Variants in CYFIP2 observed in about 807,000 individuals in gnomAD.
CYFIP2 encodes cytoplasmic FMR1-interacting protein 2.
In CYFIP2, 29 loss-of-function variants were observed where a neutral mutation model predicts 158.7. The observed-to-expected ratio is 0.18, with a 90% CI of 0.14 to 0.25. The LOEUF (loss-of-function observed/expected upper bound fraction) is 0.25. Among genes scored for constraint, CYFIP2 ranks in the 10% least tolerant of loss-of-function variants. CYFIP2 has a pLI of 1.00. For missense variants in CYFIP2, 852 were observed against 1,639.5 expected, an observed-to-expected ratio of 0.52 and a Z score of 8.29; for synonymous variants, 585 against 617.6, an observed-to-expected ratio of 0.95 and a Z score of 0.78.
Position 157,389,420 on chromosome 5 carries a change from A to T in CYFIP2, c.3439A>T (p.Thr1147Ser). The change falls in exon 29 of 31, where the codon ACA (threonine) becomes TCA (serine). Residue 1147 changes from threonine (T) to serine (S), a missense_variant. Around this residue, in one of 8 missense-constraint regions of CYFIP2, gnomAD observed 223 missense variants for 381.6 expected, o/e 0.58. Transcript: ENST00000620254. Reference sequence around the variant, plus strand: ...CATCCCTGTGGGAACCAACGAGTTCACAGCTGAGTGAGTACCCCCCAGAGA... The same window carrying T: ...CATCCCTGTGGGAACCAACGAGTTCTCAGCTGAGTGAGTACCCCCCAGAGA... Reference protein sequence around the residue: ...YCIPVGTNEFTAEQCFGDGLN... With the variant: ...YCIPVGTNEFSAEQCFGDGLN... 1 of 1,590,340 alleles carries T rather than the reference A, an allele frequency of 6.3e-7. No individual in the cohort carries two copies. The highest frequency in any genetic ancestry group is 8.6e-7 in the Non-Finnish European group (1 of 1,163,970).
rs924827110 is a variant in CYFIP2 at position 157,296,094 on chromosome 5, A to C, written c.286-579A>C. Among the ~76,000 whole-genome samples, 3 of 152,338 alleles carry C rather than the reference A, an allele frequency of 2.0e-5. No individual in the cohort carries two copies. In the East Asian group the frequency reaches 5.8e-4, roughly 29 times the overall value. ...ATAAATGTGAACATGTCAGTAACTC[A>C]TGGACAGGGCACAGAACTGAGAAAA... is the stretch of plus-strand genomic sequence containing the variant. On this transcript the variant is annotated intron_variant, in intron 4 of 30. Coordinates refer to ENST00000620254, the MANE Select transcript of CYFIP2 (RefSeq NM_001037333.3).
At chr5:157,270,416 G>A (rs1755995496) in intron 1 of CYFIP2, among the ~76,000 whole-genome samples, 1 of 152,206 alleles carries the variant, frequency 6.6e-6, no homozygotes, top group Non-Finnish European at 1.5e-5. Flanking sequence ...ATAAACTGGG[G>A]AAGAATGAGA....
At chr5:157,274,358 G>A (rs745710230) in intron 1 of CYFIP2, among the ~76,000 whole-genome samples, 12 of 152,146 alleles carry the variant, frequency 7.9e-5, no homozygotes, top group African/African-American at 1.4e-4. Flanking sequence ...TTAATGATTC[G>A]CTTCTTTCAC....
At chr5:157,271,686 C>T (rs1756106621) in intron 1 of CYFIP2, 1 of 152,244 alleles carries the variant, frequency 6.6e-6, no homozygotes. Context: ...CCACATTTTA[C>T]AGACAGAGAA....
chr5:157,298,888 G>A (rs540115258), intron 5 of CYFIP2, among the ~76,000 whole-genome samples: 8 of 152,312 alleles, frequency 5.3e-5, no homozygotes, highest in Non-Finnish European at 7.3e-5. Context: ...ATGTTACAGC[G>A]TGTATCAGAA....
intron 21 of CYFIP2, among the ~76,000 whole-genome samples, chr5:157,338,528 G>A (rs1196397354): frequency 6.6e-6 from 1 of 152,232 alleles, no homozygotes; most frequent in Non-Finnish European, 1.5e-5. Flanking sequence ...AAGAATGGCA[G>A]CAATACTGAC....
intron 5 of CYFIP2, 96 bp from the exon 6 acceptor site, chr5:157,300,619 C>T (rs949424956): frequency 3.3e-5 from 38 of 1,155,244 alleles, no homozygotes; most frequent in Middle Eastern, 6.5e-4. Flanking sequence ...TTGCCTTTCT[C>T]GAGAGGGCTG....
intron 6 of CYFIP2, among the ~76,000 whole-genome samples, chr5:157,301,642 A>G (rs559201557): frequency 6.6e-6 from 1 of 152,320 alleles, no homozygotes; most frequent in South Asian, 2.1e-4. Flanking sequence ...TAAGAAGAAG[A>G]AGGTTAGCCA....
intron 23 of CYFIP2, among the ~76,000 whole-genome samples, chr5:157,345,957 G>A (rs1167829735): frequency 6.6e-6 from 1 of 152,176 alleles, no homozygotes; most frequent in Non-Finnish European, 1.5e-5. Context: ...GGTTTTAAAT[G>A]CAAAGATGCT....
In CYFIP2 at chr5:157,361,327, G is replaced by A. The variant is rs909714544; in HGVS notation, c.2909-141G>A. ...TGAGCCCTGAAAGAAATCTCACTCTGGGCCTGCAGGTAAGAGGGATGCGTG... is the reference window on the plus strand; with the variant it reads ...TGAGCCCTGAAAGAAATCTCACTCTAGGCCTGCAGGTAAGAGGGATGCGTG... On this transcript the variant is annotated intron_variant, in intron 25 of 30. Coordinates refer to ENST00000620254, the MANE Select transcript of CYFIP2 (RefSeq NM_001037333.3). The surrounding 1 kb of genome is among the most constrained non-coding windows in gnomAD (Gnocchi z 4.4). 4.0e-6 allele frequency: 4 copies of A among 1,000,054 alleles called. No homozygotes were observed. In the African/African-American group the frequency reaches 6.5e-5, roughly 16 times the overall value. The allele number at this position is 1,000,054 out of a possible 1,614,324, so 61.9% of individuals were successfully genotyped here. A position where few individuals can be genotyped will look rare whatever the true frequency, so the allele number is the denominator to read the frequency against.
At chr5:157,326,080 T>C in intron 17 of CYFIP2, 91 bp from the exon 18 acceptor site, 1 of 991,504 alleles carries the variant, frequency 1.0e-6, no homozygotes, top group Non-Finnish European at 1.6e-6. Flanking sequence ...TTCCTGACTG[T>C]GAACTTGTTT....
intron 23 of CYFIP2, chr5:157,342,772 G>T (rs1418688623): frequency 3.9e-6 from 5 of 1,292,904 alleles, no homozygotes; most frequent in African/African-American, 1.5e-5. Context: ...TGATGGGAGA[G>T]AAATGGGTAG....
chr5:157,374,972 G>C (rs1409726794), intron 26 of CYFIP2, among the ~76,000 whole-genome samples: 1 of 152,210 alleles, frequency 6.6e-6, no homozygotes, highest in Admixed American at 6.5e-5. Flanking sequence ...GGCAGAGTCT[G>C]CTGCCTAATG....
At chr5:157,295,100 A>G (rs1758147114) in intron 4 of CYFIP2, among the ~76,000 whole-genome samples, 1 of 152,212 alleles carries the variant, frequency 6.6e-6, no homozygotes, top group Non-Finnish European at 1.5e-5. Flanking sequence ...AAAGCAGTAT[A>G]TGGTAACTAC....
intron 1 of CYFIP2, among the ~76,000 whole-genome samples, chr5:157,268,317 G>A (rs1050755658): frequency 2.0e-5 from 3 of 152,202 alleles, no homozygotes; most frequent in Non-Finnish European, 4.4e-5. Flanking sequence ...GCCAAGAGTC[G>A]GATGTACAAC....
intron 22 of CYFIP2, among the ~76,000 whole-genome samples, chr5:157,340,250 G>T (rs936690758): frequency 6.6e-6 from 1 of 152,236 alleles, no homozygotes; most frequent in Admixed American, 6.5e-5. Flanking sequence ...GTATTCATCT[G>T]CAGATCTTCT....
chr5:157,349,611 TTTC>T (rs1762938906), intron 23 of CYFIP2, among the ~76,000 whole-genome samples: 1 of 152,240 alleles, frequency 6.6e-6, no homozygotes, highest in Non-Finnish European at 1.5e-5. Context: ...AATGATTTCC[TTTC>T]CTCTGGGTAG....
chr5:157,333,546 G>T (rs1761637439), intron 21 of CYFIP2, 100 bp downstream of exon 21: 1 of 1,509,572 alleles, frequency 6.6e-7, no homozygotes, highest in African/African-American at 1.4e-5. Flanking sequence ...CAGTTAAAGA[G>T]GGGCAGTGAG....
intron 26 of CYFIP2, 85 bp from the exon 27 acceptor site, chr5:157,382,505 T>C (rs1478429124): frequency 7.0e-7 from 1 of 1,432,134 alleles, no homozygotes; most frequent in Non-Finnish European, 9.7e-7. Flanking sequence ...TCTAGCTAAC[T>C]CCAGTGCTCA....
Sources: allele counts gnomAD v4.1 joint callset (sites outside exome capture counted in the v4.1 genomes callset), GRCh38; gene constraint gnomAD v4.1.1; regional missense constraint gnomAD v4.1.1; non-coding constraint Gnocchi (gnomAD v3.1); transcripts MANE v1.5; gene names NCBI Gene and HGNC (gene_info 2026-07-23, HGNC 2026-07-21).